The following GPR63 variants were observed in gnomAD, a reference collection of about 807,000 sequenced individuals.
GPR63 encodes G protein-coupled receptor 63.
In GPR63, 12 loss-of-function variants were observed where a neutral mutation model predicts 23.1. The observed-to-expected ratio is 0.52, with a 90% CI of 0.33 to 0.84. GPR63 has a LOEUF of 0.84. Ranked by LOEUF, GPR63 falls within the 40% of genes least tolerant of loss-of-function variation. The pLI is 0.02. For missense variants in GPR63, 472 were observed against 515.6 expected (o/e 0.92, Z 0.82); for synonymous variants, 172 against 191.1 (o/e 0.90, Z 0.82).
intron 1 of GPR63, among the ~76,000 whole-genome samples, chr6:96,825,639 A>G (rs973772261): frequency 6.6e-6 from 1 of 152,104 alleles, no homozygotes; most frequent in South Asian, 2.1e-4. Context: ...CAAGGTGAGG[A>G]AAAGTAAAAG....
intron 1 of GPR63, among the ~76,000 whole-genome samples, chr6:96,802,130 C>T (rs537159692): frequency 2.0e-5 from 3 of 152,246 alleles, no homozygotes; most frequent in Admixed American, 6.5e-5. Context: ...TACTACCACA[C>T]TGTTTAAAAT....
At chr6:96,804,995 C>G (rs918241963) in intron 1 of GPR63, among the ~76,000 whole-genome samples, 5 of 151,962 alleles carry the variant, frequency 3.3e-5, no homozygotes. Flanking sequence ...TTTGTTTTGG[C>G]TGTTTGGATA....
chr6:96,830,198 G>C (rs1383216359), intron 1 of GPR63, among the ~76,000 whole-genome samples: 1 of 152,134 alleles, frequency 6.6e-6, no homozygotes, highest in African/African-American at 2.4e-5. Flanking sequence ...TTAGTAGTAA[G>C]TCCATGAGTA....
chr6:96,834,796 T>C (rs1774680770), intron 1 of GPR63, among the ~76,000 whole-genome samples: 1 of 152,202 alleles, frequency 6.6e-6, no homozygotes, highest in Admixed American at 6.5e-5. Context: ...TTGTAGTAAC[T>C]GGAGCACTGT....
chr6:96,805,845 T>G (rs1353764983), intron 1 of GPR63, among the ~76,000 whole-genome samples: 1 of 152,168 alleles, frequency 6.6e-6, no homozygotes, highest in African/African-American at 2.4e-5. Context: ...TTCTGCCATA[T>G]CTCTATTCAA....
intron 1 of GPR63, among the ~76,000 whole-genome samples, chr6:96,830,360 T>G (rs1306211725): frequency 6.6e-6 from 1 of 152,172 alleles, no homozygotes; most frequent in South Asian, 2.1e-4. Context: ...CAAGACCTCA[T>G]GAAAAAAAAT....
intron 1 of GPR63, among the ~76,000 whole-genome samples, chr6:96,800,556 G>A (rs1426467809): frequency 1.3e-5 from 2 of 151,778 alleles, no homozygotes; most frequent in Admixed American, 1.3e-4. Context: ...TTTCTTTCCA[G>A]AAGTTCCACC....
At chr6:96,800,139 CA>C (rs1773725251) in intron 1 of GPR63, among the ~76,000 whole-genome samples, 2 of 152,150 alleles carry the variant, frequency 1.3e-5, no homozygotes, top group African/African-American at 4.8e-5. Flanking sequence ...GCCCCAAAGA[CA>C]AAAATTATAA....
intron 1 of GPR63, among the ~76,000 whole-genome samples, chr6:96,829,104 G>A (rs1340516114): frequency 2.6e-5 from 4 of 152,098 alleles, no homozygotes; most frequent in Admixed American, 6.5e-5. Context: ...ACATGAAGAA[G>A]GATAAAGATT....
At chr6:96,812,627 G>A (rs1025331821) in intron 1 of GPR63, among the ~76,000 whole-genome samples, 1 of 152,050 alleles carries the variant, frequency 6.6e-6, no homozygotes, top group Non-Finnish European at 1.5e-5. Context: ...AATGCAAAAA[G>A]CAAAAGAAGT....
chr6:96,799,970 A>T, intron 1 of GPR63, 89 bp from the exon 2 acceptor site: 1 of 545,230 alleles, frequency 1.8e-6, no homozygotes, highest in South Asian at 2.2e-5. Flanking sequence ...ATCATGAAGG[A>T]TCAGTTTTGC....
intron 1 of GPR63, among the ~76,000 whole-genome samples, chr6:96,831,694 G>C (rs1246433854): frequency 1.3e-5 from 2 of 151,956 alleles, no homozygotes; most frequent in African/African-American, 4.8e-5. Flanking sequence ...ATCACTAGAG[G>C]TCAGGAGTTC....
intron 1 of GPR63, among the ~76,000 whole-genome samples, chr6:96,831,154 C>A (rs1774569915): frequency 6.6e-6 from 1 of 152,156 alleles, no homozygotes; most frequent in South Asian, 2.1e-4. Flanking sequence ...CATTCATTCA[C>A]TCTATTATTC....
chr6:96,834,098 G>A (rs1774660429), intron 1 of GPR63, among the ~76,000 whole-genome samples: 1 of 152,160 alleles, frequency 6.6e-6, no homozygotes, highest in African/African-American at 2.4e-5. Context: ...ACAAACAGAA[G>A]TGGATACAAA....
chr6:96,800,843 T>C (rs1056864178), intron 1 of GPR63, among the ~76,000 whole-genome samples: 1 of 152,232 alleles, frequency 6.6e-6, no homozygotes, highest in Non-Finnish European at 1.5e-5. Flanking sequence ...GAGAGATGAC[T>C]AGAAAAATAT....
chr6:96,799,695 C>G lies in GPR63; in HGVS notation c.37G>C (p.Gly13Arg), dbSNP rs759085242. 3 of 1,614,080 alleles carry G rather than the reference C, an allele frequency of 1.9e-6. No homozygotes were observed. The highest frequency in any genetic ancestry group is 3.3e-5 in the Admixed American group (2 of 60,022). The change falls in exon 2 of 2, where the codon GGG becomes CGG. Residue 13 changes from glycine (G) to arginine (R), a missense_variant. Coordinates refer to ENST00000229955, the MANE Select transcript of GPR63 (RefSeq NM_030784.4). ...ACGACAAATGTTGTGTTGGATGTCC[C>G]GGTATGGAACGCAGTCAACACTGCC... ...FSAVLTAFHT[G>R]TSNTTFVVYE...
intron 1 of GPR63, among the ~76,000 whole-genome samples, chr6:96,812,500 A>C (rs1582259915): frequency 6.6e-6 from 1 of 152,184 alleles, no homozygotes; most frequent in East Asian, 1.9e-4. Context: ...TTCTGATGAC[A>C]ATCAAAACTG....
intron 1 of GPR63, among the ~76,000 whole-genome samples, chr6:96,821,773 G>A (rs1774319177): frequency 6.6e-6 from 1 of 152,092 alleles, no homozygotes; most frequent in South Asian, 2.1e-4. Context: ...AAAAACAAGT[G>A]AAAGACATAC....
chr6:96,823,187 AC>A (rs1163459234), intron 1 of GPR63, among the ~76,000 whole-genome samples: 4 of 152,192 alleles, frequency 2.6e-5, no homozygotes, highest in East Asian at 1.9e-4. Context: ...ATTTTAGAGT[AC>A]TACTTATTAA....
Sources: gnomAD v4.1 joint callset for allele counts (sites outside exome capture counted in the v4.1 genomes callset) on GRCh38, gnomAD v4.1.1 for gene constraint, MANE v1.5 for transcripts, NCBI Gene and HGNC (gene_info 2026-07-23, HGNC 2026-07-21) for gene names.